ATP2C1: variants seen among roughly 807,000 people sequenced by gnomAD.
The protein encoded by ATP2C1 is ATPase secretory pathway Ca2+ transporting 1.
Under a neutral mutation model 120.5 loss-of-function variants are expected in ATP2C1, and 31 were observed. That is an observed-to-expected ratio of 0.26 (90% CI 0.19 to 0.35). The LOEUF is 0.35. Among genes scored for constraint, ATP2C1 ranks in the 10% least tolerant of loss-of-function variants. The pLI, the probability that ATP2C1 is intolerant of heterozygous loss-of-function variation, is 1.00. For missense variants in ATP2C1, 731 were observed against 1,107.5 expected (o/e 0.66, Z 4.83); for synonymous variants, 351 against 358.7 (o/e 0.98, Z 0.24).
intron 1 of ATP2C1, among the ~76,000 whole-genome samples, chr3:130,883,945 C>CTTTTTTTTTTTTTTTTTTTTTTTTTTTTT: frequency 8.2e-6 from 1 of 122,436 alleles, no homozygotes. Context: ...TTCTTTTCTT[C>CTTTTTTTTTTTTTTTTTTTTTTTTTTTTT]TTTTTTTTTT....
chr3:131,012,592 C>CTTAT (rs1005249344), intron 26 of ATP2C1, among the ~76,000 whole-genome samples: 2 of 152,018 alleles, frequency 1.3e-5, no homozygotes, highest in Non-Finnish European at 2.9e-5. Flanking sequence ...CATTAGATAC[C>CTTAT]TTATTTTCCA....
intron 8 of ATP2C1, among the ~76,000 whole-genome samples, chr3:130,948,874 A>G (rs6439267): frequency 4.1e-4 from 63 of 152,192 alleles, no homozygotes; most frequent in African/African-American, 1.5e-3. Context: ...GTGATCAGTG[A>G]TCTTTGCTGT....
upstream of ATP2C1, among the ~76,000 whole-genome samples, chr3:130,893,221 G>A (rs2069251888): frequency 2.6e-5 from 4 of 152,294 alleles, no homozygotes; most frequent in Non-Finnish European, 5.9e-5. Context: ...GTGTGAAAAG[G>A]CATTGACACT....
chr3:130,994,409 A>G (rs1469121023), intron 22 of ATP2C1, among the ~76,000 whole-genome samples: 3 of 152,206 alleles, frequency 2.0e-5, no homozygotes, highest in Admixed American at 6.5e-5. Context: ...GTAGTTAGAA[A>G]TATGCATATG....
At chr3:131,016,632 C>T (rs1176019290) in exon 27 of ATP2C1, 2 of 414,552 alleles carry the variant, frequency 4.8e-6, no homozygotes, top group Non-Finnish European at 8.9e-6. Context: ...CATTTGAATT[C>T]TCTAAACCCT....
intron 20 of ATP2C1, among the ~76,000 whole-genome samples, chr3:130,987,116 A>G (rs1175696740): frequency 6.6e-6 from 1 of 151,662 alleles, no homozygotes; most frequent in African/African-American, 2.4e-5. Context: ...TTAAAAAAAA[A>G]AAAAAAGAAA....
chr3:130,866,599 C>CT (rs148541218), intron 1 of ATP2C1, among the ~76,000 whole-genome samples: 15,327 of 152,224 alleles, frequency 0.1, 880 homozygotes, highest in Non-Finnish European at 0.13. Flanking sequence ...GAATTGCTAA[C>CT]TTTGTTCTTA....
At position 131,003,006 on chromosome 3, in the gene ATP2C1, T is replaced by C. The variant is rs938721384; in HGVS notation, c.*1656T>C. 2 of 985,750 alleles carry C rather than the reference T, an allele frequency of 2.0e-6. No homozygotes were observed. The highest frequency in any genetic ancestry group is 2.4e-6 in the Non-Finnish European group (2 of 829,790). 61.1% of individuals were successfully genotyped at this position (985,750 alleles called of 1,614,324 possible). ...TAATTTTGTAATGATTTTTATTCTC[T>C]GTTACAAAGACTTGAAATACGTATT... On this transcript the variant is annotated 3_prime_UTR_variant, in exon 28 of 28. Coordinates refer to ENST00000510168, the MANE Select transcript of ATP2C1 (RefSeq NM_001378687.1).
chr3:130,933,276 C>A (rs1239572308), intron 4 of ATP2C1, among the ~76,000 whole-genome samples: 1 of 151,578 alleles, frequency 6.6e-6, no homozygotes, highest in East Asian at 1.9e-4. Context: ...ATTCTTTATT[C>A]CTCTGCAGCC....
At chr3:130,906,387 G>A (rs963831514) in intron 2 of ATP2C1, among the ~76,000 whole-genome samples, 14 of 151,898 alleles carry the variant, frequency 9.2e-5, no homozygotes, top group African/African-American at 1.2e-4. Flanking sequence ...TTCTTTTTGC[G>A]ATGAAATAAT....
intron 1 of ATP2C1, among the ~76,000 whole-genome samples, chr3:130,860,821 G>C (rs1459430394): frequency 1.3e-5 from 2 of 152,116 alleles, no homozygotes; most frequent in Non-Finnish European, 2.9e-5. Flanking sequence ...TGAGGATAAA[G>C]GAGTTGAAAA....
At chr3:130,970,055 C>T (rs149990257) in intron 17 of ATP2C1, among the ~76,000 whole-genome samples, 3 of 152,322 alleles carry the variant, frequency 2.0e-5, no homozygotes, top group Non-Finnish European at 4.4e-5. Context: ...CGGTAGCTCA[C>T]GCCTGTAATC....
intron 13 of ATP2C1, among the ~76,000 whole-genome samples, chr3:130,964,302 C>T (rs868750159): frequency 2.0e-5 from 3 of 152,034 alleles, no homozygotes; most frequent in Non-Finnish European, 2.9e-5. Flanking sequence ...AATCTTTCTA[C>T]ATCATGTTCT....
At chr3:131,011,926 A>C (rs1018970770) in intron 26 of ATP2C1, among the ~76,000 whole-genome samples, 4 of 152,164 alleles carry the variant, frequency 2.6e-5, no homozygotes, top group Non-Finnish European at 5.9e-5. Context: ...CTCATCTAAT[A>C]CATGTAGGAG....
intron 26 of ATP2C1, chr3:131,014,190 T>C (rs747906431): frequency 1.2e-6 from 2 of 1,613,974 alleles, no homozygotes; most frequent in East Asian, 4.5e-5. Flanking sequence ...GCTGGTATTC[T>C]GTTTCTTCTG....
At chr3:130,922,227 A>G (rs2059003456) in intron 2 of ATP2C1, among the ~76,000 whole-genome samples, 1 of 151,778 alleles carries the variant, frequency 6.6e-6, no homozygotes, top group South Asian at 2.1e-4. Context: ...TCTCCTCTGG[A>G]TTTTCTAGTT....
chr3:131,004,833 T>G (rs574587862), downstream of ATP2C1, among the ~76,000 whole-genome samples: 328 of 152,314 alleles, frequency 2.2e-3, no homozygotes, highest in African/African-American at 7.4e-3. Context: ...TTGACACTGT[T>G]AAGGCAGGAG....
Position 130,884,932 on chromosome 3 carries a change from T to TTC in ATP2C1, c.108+34005_108+34006insCT, listed in dbSNP as rs1553747912. On this transcript the variant is annotated intron_variant, in intron 1 of 26. Transcript: ENST00000504381. ...TGTTTCTTTTCTTTCTTTTCTTTCTTTTTTTTTTTTTTTTTTTTAAGACGG... is the reference window on the plus strand; with the variant it reads ...TGTTTCTTTTCTTTCTTTTCTTTCTTTCTTTTTTTTTTTTTTTTTTAAGACGG... 4.6e-4 allele frequency among the ~76,000 whole-genome samples: 53 copies of TTC among 116,108 alleles called. 1 individual carries two copies. Among genetic ancestry groups the TTC allele is most frequent in the South Asian group, 2.4e-3 (9 of 3,694 alleles). 76.2% of individuals were successfully genotyped at this position (116,108 alleles called of 152,430 possible).
At chr3:130,998,472 GT>G in intron 26 of ATP2C1, 83 bp downstream of exon 26, 2 of 1,064,952 alleles carry the variant, frequency 1.9e-6, no homozygotes, top group Non-Finnish European at 2.9e-6. Flanking sequence ...AAGATTATGG[GT>G]TTTTAGCTTT....
Sources: allele counts gnomAD v4.1 joint callset (sites outside exome capture counted in the v4.1 genomes callset), GRCh38; gene constraint gnomAD v4.1.1; transcripts MANE v1.5; gene names NCBI Gene and HGNC (gene_info 2026-07-23, HGNC 2026-07-21).